Variants in OPRM1 observed in about 807,000 individuals in gnomAD.
OPRM1 encodes the protein mu-type opioid receptor.
A neutral mutation model predicts 31.8 loss-of-function variants in OPRM1; 27 were observed. The ratio of observed to expected loss-of-function variants is 0.85; its 90% confidence interval spans 0.63 to 1.17. OPRM1 has a LOEUF of 1.17. Ranked by LOEUF, OPRM1 falls within the 50% of genes most tolerant of loss-of-function variation. The probability of loss-of-function intolerance (pLI) is 0.00; values close to 1 mark genes in which losing one functional copy is unlikely to be tolerated. For synonymous variants in OPRM1, 196 were observed against 189.9 expected (o/e 1.03, Z -0.26); for missense variants, 536 against 511.1 (o/e 1.05, Z -0.47).
At chr6:154,152,390 A>AAGAGAGAGAG (rs1193986554) in intron 3 of OPRM1, among the ~76,000 whole-genome samples, 39 of 126,290 alleles carry the variant, frequency 3.1e-4, no homozygotes, top group East Asian at 4.4e-4. Flanking sequence ...GAAAGAAAGA[A>AAGAGAGAGAG]AGAGAAATAG....
At chr6:154,069,897 A>T (rs376305049) in intron 1 of OPRM1, among the ~76,000 whole-genome samples, 6 of 152,060 alleles carry the variant, frequency 3.9e-5, no homozygotes, top group African/African-American at 1.4e-4. Context: ...TTGTATATGC[A>T]GTTGCTTTTG....
In OPRM1 at chr6:154,039,429, A is replaced by G. The variant is rs1779559500; in HGVS notation, c.-116A>G. On this transcript the variant is annotated 5_prime_UTR_variant, in exon 1 of 4. Coordinates refer to ENST00000330432, the MANE Select transcript of OPRM1 (RefSeq NM_000914.5). The stretch of plus-strand genomic sequence containing the variant: ...GTCTCAGCCAGGACTGGTTTCTGTA[A>G]GAAACAGCAGGAGCTGTGGCAGCGG... 6.4e-7 allele frequency: 1 copy of G among 1,551,258 alleles called. No homozygotes were observed. Among genetic ancestry groups the G allele is most frequent in the South Asian group, 1.2e-5 (1 of 84,020 alleles).
At chr6:154,180,414 A>ATATATATTTT (rs1241250621) in intron 3 of OPRM1, among the ~76,000 whole-genome samples, 179 of 65,188 alleles carry the variant, frequency 2.7e-3, no homozygotes, top group African/African-American at 5.8e-3. Context: ...ATATATATAT[A>ATATATATTTT]TTTTTTTTTT....
At chr6:154,087,046 C>G (rs985020746) in intron 1 of OPRM1, 6 of 983,244 alleles carry the variant, frequency 6.1e-6, no homozygotes, top group Non-Finnish European at 7.2e-6. Flanking sequence ...AAACTAAAAG[C>G]AAATTATTTT....
intron 1 of OPRM1, among the ~76,000 whole-genome samples, chr6:154,065,539 TTTTTCTAA>T (rs1239787828): frequency 6.6e-6 from 1 of 152,204 alleles, no homozygotes; most frequent in Non-Finnish European, 1.5e-5. Flanking sequence ...AATTAAACTA[TTTTTCTAA>T]TTTTCTTTTC....
upstream of OPRM1, among the ~76,000 whole-genome samples, chr6:154,035,566 G>A (rs1779255463): frequency 6.6e-6 from 1 of 152,090 alleles, no homozygotes; most frequent in Non-Finnish European, 1.5e-5. Flanking sequence ...TAGTATTTAT[G>A]TTTGTGTTCC....
upstream of OPRM1, chr6:154,039,199 C>T (rs767580587): frequency 3.9e-6 from 6 of 1,551,766 alleles, no homozygotes; most frequent in South Asian, 4.8e-5. Flanking sequence ...AAGAGACCTA[C>T]TCCTTGGATC....
intron 3 of OPRM1, among the ~76,000 whole-genome samples, chr6:154,203,307 G>A (rs1469422918): frequency 6.6e-6 from 1 of 152,232 alleles, no homozygotes; most frequent in East Asian, 1.9e-4. Context: ...TGATAGTCTC[G>A]GGGCCAGGTA....
At chr6:154,243,622 C>T (rs1780778033) in intron 3 of OPRM1, among the ~76,000 whole-genome samples, 1 of 152,162 alleles carries the variant, frequency 6.6e-6, no homozygotes, top group Non-Finnish European at 1.5e-5. Context: ...GAGAGTTGCC[C>T]TAAATTTCAT....
chr6:154,098,034 A>G (rs556408086), intron 3 of OPRM1, among the ~76,000 whole-genome samples: 1 of 152,334 alleles, frequency 6.6e-6, no homozygotes, highest in East Asian at 1.9e-4. Flanking sequence ...GTTCGAGACC[A>G]ACCTGGCCAA....
chr6:154,152,370 A>AAGAAAGAAAGAAAG (rs1798554633), intron 3 of OPRM1, among the ~76,000 whole-genome samples: 2 of 148,494 alleles, frequency 1.3e-5, no homozygotes, highest in African/African-American at 5.2e-5. Flanking sequence ...GAAAGAAAGA[A>AAGAAAGAAAGAAAG]AGAAAGAAAG....
intron 3 of OPRM1, chr6:154,212,911 A>G (rs1424798192): frequency 4.2e-6 from 5 of 1,187,844 alleles, no homozygotes; most frequent in Non-Finnish European, 1.2e-6. Context: ...TTATTCCATA[A>G]TGCATGAGCA....
intron 3 of OPRM1, among the ~76,000 whole-genome samples, chr6:154,105,879 C>T (rs1425860506): frequency 2.0e-5 from 3 of 152,074 alleles, no homozygotes; most frequent in African/African-American, 7.2e-5. Flanking sequence ...TTAATAAAAC[C>T]TTATAGACAT....
intron 3 of OPRM1, chr6:154,110,381 T>C: frequency 6.7e-7 from 1 of 1,499,016 alleles, no homozygotes; most frequent in South Asian, 1.2e-5. Flanking sequence ...AAAAGTCATC[T>C]TTACTCAACT....
chr6:154,060,220 C>T (rs1784117576), intron 1 of OPRM1, among the ~76,000 whole-genome samples: 2 of 152,182 alleles, frequency 1.3e-5, no homozygotes, highest in African/African-American at 4.8e-5. Context: ...CATATCCTTG[C>T]ATCCCTACCC....
intron 1 of OPRM1, among the ~76,000 whole-genome samples, chr6:154,054,373 A>C (rs1399093001): frequency 1.4e-5 from 2 of 148,066 alleles, no homozygotes; most frequent in Non-Finnish European, 3.0e-5. Flanking sequence ...GTCTCAAAAA[A>C]AAAAAAAAAA....
At chr6:154,099,927 A>G (rs1794291680) in intron 3 of OPRM1, among the ~76,000 whole-genome samples, 1 of 143,320 alleles carries the variant, frequency 7.0e-6, no homozygotes, top group Non-Finnish European at 1.5e-5. Flanking sequence ...AACATGTATT[A>G]TCATATTATG....
chr6:154,019,404 C>T (rs1778209103), intron 1 of OPRM1, among the ~76,000 whole-genome samples: 1 of 152,066 alleles, frequency 6.6e-6, no homozygotes, highest in Non-Finnish European at 1.5e-5. Flanking sequence ...ATATTATTAT[C>T]ACCCAAAGTC....
rs931142585 is a variant in OPRM1, at chr6:154,090,776, AGAAGTAAAACTTTCTTT to A, written c.644-172_644-156del. ...AATTTAGAAAAAAACAAAAAACATT[AGAAGTAAAACTTTCTTT>A]GAAAAGTAACAAACAACTGAGTTTC... On this transcript the variant is annotated intron_variant, in intron 2 of 3. Transcript: ENST00000330432. Among the ~76,000 whole-genome samples the A allele has an allele frequency of 2.6e-5, 4 of 152,388 alleles. No individual in the cohort carries two copies. The East Asian group carries it at 7.7e-4, about 29-fold the overall frequency.
Sources: allele counts gnomAD v4.1 joint callset (sites outside exome capture counted in the v4.1 genomes callset), GRCh38; gene constraint gnomAD v4.1.1; transcripts MANE v1.5; gene names NCBI Gene and HGNC (gene_info 2026-07-23, HGNC 2026-07-21).